NEMP2: variants seen among roughly 807,000 people sequenced by gnomAD.
The protein encoded by NEMP2 is nuclear envelope integral membrane protein 2.
Under a neutral mutation model 54.2 loss-of-function variants are expected in NEMP2, and 53 were observed. The ratio of observed to expected loss-of-function variants is 0.98; its 90% CI spans 0.78 to 1.23. The LOEUF (loss-of-function observed/expected upper bound fraction) is 1.23, where lower values mean the gene tolerates loss of function less well. Ranked by LOEUF, NEMP2 falls within the 50% of genes most tolerant of loss-of-function variation. NEMP2 has a pLI of 0.00. For synonymous variants in NEMP2, 197 were observed against 190.3 expected (o/e 1.04, Z -0.29); for missense variants, 455 against 511.3 (o/e 0.89, Z 1.06).
chr2:190,648,670 C>A, the NEMP2 span, among the ~76,000 whole-genome samples: 7 of 151,652 alleles, frequency 4.6e-5, no homozygotes, highest in Admixed American at 2.0e-4. Context: ...GAGAGCAGGC[C>A]GGAGGCGGCG....
At chr2:190,586,554 A>AT in the NEMP2 span, among the ~76,000 whole-genome samples, 2 of 152,144 alleles carry the variant, frequency 1.3e-5, no homozygotes, top group Non-Finnish European at 2.9e-5. The surrounding 1 kb of genome is among the most constrained non-coding windows in gnomAD (Gnocchi z 4.5). Flanking sequence ...AAATACATCA[A>AT]GTATTTCTAA....
the NEMP2 span, among the ~76,000 whole-genome samples, chr2:190,637,405 A>G: frequency 6.6e-6 from 1 of 152,226 alleles, no homozygotes; most frequent in African/African-American, 2.4e-5. This position sits in a 1 kb window ranked among gnomAD's most constrained non-coding sequence, Gnocchi z 4.5. Flanking sequence ...GCTACAAGAT[A>G]AAGTCCACAC....
chr2:190,439,062 C>T, the NEMP2 span, among the ~76,000 whole-genome samples: 1 of 152,034 alleles, frequency 6.6e-6, no homozygotes, highest in Non-Finnish European at 1.5e-5. This position sits in a 1 kb window ranked among gnomAD's most constrained non-coding sequence, Gnocchi z 5.8. Context: ...AGAGAGCCCA[C>T]ATAATATTAA....
the NEMP2 span, chr2:190,608,215 G>A: frequency 6.6e-6 from 1 of 152,072 alleles, no homozygotes; most frequent in South Asian, 2.1e-4. This position sits in a 1 kb window ranked among gnomAD's most constrained non-coding sequence, Gnocchi z 4.9. Flanking sequence ...GCTTGTGTTC[G>A]AGTAATCCTT....
the NEMP2 span, among the ~76,000 whole-genome samples, chr2:190,443,916 G>T: frequency 6.6e-6 from 1 of 152,254 alleles, no homozygotes; most frequent in South Asian, 2.1e-4. This position sits in a 1 kb window ranked among gnomAD's most constrained non-coding sequence, Gnocchi z 4.2. Flanking sequence ...GCTGGGCATG[G>T]TGTCACACGC....
upstream of NEMP2, among the ~76,000 whole-genome samples, chr2:190,539,622 A>G (rs541535170): frequency 1.6e-4 from 24 of 152,252 alleles, no homozygotes; most frequent in East Asian, 4.6e-3. The surrounding 1 kb of genome is among the most constrained non-coding windows in gnomAD (Gnocchi z 4.1). Context: ...TTACTTACAT[A>G]GATTTTTCAC....
chr2:190,445,982 G>A, the NEMP2 span, among the ~76,000 whole-genome samples: 1 of 152,034 alleles, frequency 6.6e-6, no homozygotes, highest in African/African-American at 2.4e-5. Context: ...ACTCTGGTAC[G>A]AGGGGAAAAA....
At chr2:190,428,504 C>T in the NEMP2 span, among the ~76,000 whole-genome samples, 1 of 151,980 alleles carries the variant, frequency 6.6e-6, no homozygotes, top group African/African-American at 2.4e-5. Context: ...TGCTTGGGAC[C>T]AGGAGTATTT....
At chr2:190,526,058 AATAAGGCACT>A (rs1690923895) in intron 1 of NEMP2, among the ~76,000 whole-genome samples, 1 of 152,154 alleles carries the variant, frequency 6.6e-6, no homozygotes, top group South Asian at 2.1e-4. Context: ...AGGCACTAAC[AATAAGGCACT>A]AACAATAAGG....
chr2:190,514,446 T>C lies in NEMP2; in HGVS notation c.953+7A>G, dbSNP rs963657645. 2 of 1,549,156 alleles carry C rather than the reference T, an allele frequency of 1.3e-6. No individual in the cohort carries two copies. Among genetic ancestry groups the C allele is most frequent in the African/African-American group, 2.7e-5 (2 of 73,010 alleles). ...CAAATTTGCTGGGGGAAAAAAATGA[T>C]ACATACCACCTCATATAACTGCATG... is the stretch of plus-strand genomic sequence containing the variant. On this transcript the variant is annotated splice_region_variant and intron_variant, in intron 7 of 8. Transcript: ENST00000409150. The surrounding 1 kb of genome is among the most constrained non-coding windows in gnomAD (Gnocchi z 5.7).
chr2:190,588,460 C>T, the NEMP2 span, among the ~76,000 whole-genome samples: 5 of 152,126 alleles, frequency 3.3e-5, no homozygotes, highest in Non-Finnish European at 5.9e-5. This position sits in a 1 kb window ranked among gnomAD's most constrained non-coding sequence, Gnocchi z 5.0. Context: ...ACATTCATCC[C>T]AGTATGGCGG....
chr2:190,528,467 G>A lies in NEMP2; in HGVS notation c.98-3089C>T, dbSNP rs147245483. ...CAAACAAAAGTGATTCCTACCTATC[G>A]TTGGAAAGGGAGTGCATTCCAGCAG... On this transcript the variant is annotated intron_variant, in intron 1 of 8. Transcript: ENST00000409150. This position sits in a 1 kb window ranked among gnomAD's most constrained non-coding sequence, Gnocchi z 4.3. 5.5e-4 allele frequency among the ~76,000 whole-genome samples: 84 copies of A among 152,250 alleles called. No homozygotes were observed. The highest frequency in any genetic ancestry group is 1.9e-3 in the African/African-American group (81 of 41,544).
At chr2:190,491,329 T>A in the NEMP2 span, among the ~76,000 whole-genome samples, 1 of 152,158 alleles carries the variant, frequency 6.6e-6, no homozygotes, top group African/African-American at 2.4e-5. This position sits in a 1 kb window ranked among gnomAD's most constrained non-coding sequence, Gnocchi z 4.2. Flanking sequence ...TGCATCATGC[T>A]TTTGCTCCAG....
At chr2:190,517,997 C>A (rs1690621934) in intron 4 of NEMP2, among the ~76,000 whole-genome samples, 1 of 152,184 alleles carries the variant, frequency 6.6e-6, no homozygotes, top group Non-Finnish European at 1.5e-5. Context: ...CCCAGCTCGT[C>A]AGAGTCCAGG....
At position 190,508,105 on chromosome 2, in the gene NEMP2, A is replaced by G. The variant is rs1024429483; in HGVS notation, c.*1084T>C. On this transcript the variant is annotated 3_prime_UTR_variant, in exon 9 of 9. Transcript: ENST00000409150. The surrounding 1 kb of genome is among the most constrained non-coding windows in gnomAD (Gnocchi z 4.3). Reference sequence around the variant, plus strand: ...TTATAAGAAATTGTTACAAACACCTATAGCTAAACAATTTTTTAAATGGAT... The same window carrying G: ...TTATAAGAAATTGTTACAAACACCTGTAGCTAAACAATTTTTTAAATGGAT... The G allele has an allele frequency of 2.0e-5, 3 of 152,232 alleles. No individual in the cohort carries two copies. Among genetic ancestry groups the G allele is most frequent in the African/African-American group, 7.2e-5 (3 of 41,458 alleles). 9.4% of individuals were successfully genotyped at this position (152,232 alleles called of 1,614,324 possible). A position where few individuals can be genotyped will look rare whatever the true frequency, so the allele number is the denominator to read the frequency against.
At chr2:190,644,046 G>C in the NEMP2 span, among the ~76,000 whole-genome samples, 4 of 152,282 alleles carry the variant, frequency 2.6e-5, 1 homozygote, top group Non-Finnish European at 5.9e-5. The surrounding 1 kb of genome is among the most constrained non-coding windows in gnomAD (Gnocchi z 4.4). Context: ...AATGCATAAT[G>C]AATCTCATTT....
chr2:190,558,886 G>A, the NEMP2 span, among the ~76,000 whole-genome samples: 2 of 152,238 alleles, frequency 1.3e-5, no homozygotes, highest in Non-Finnish European at 2.9e-5. The surrounding 1 kb of genome is among the most constrained non-coding windows in gnomAD (Gnocchi z 4.4). Flanking sequence ...ATTATGGATA[G>A]CATATATATA....
chr2:190,465,794 A>C, the NEMP2 span, among the ~76,000 whole-genome samples: 1 of 152,132 alleles, frequency 6.6e-6, no homozygotes, highest in Non-Finnish European at 1.5e-5. This position sits in a 1 kb window ranked among gnomAD's most constrained non-coding sequence, Gnocchi z 4.6. Context: ...GGAGTTCAAG[A>C]CCAGCCTGGC....
chr2:190,460,656 A>G, the NEMP2 span, among the ~76,000 whole-genome samples: 1 of 152,182 alleles, frequency 6.6e-6, no homozygotes, highest in South Asian at 2.1e-4. Context: ...CAACCAAGAT[A>G]AGTGTTGTGA....
Sources: gnomAD v4.1 joint callset for allele counts (sites outside exome capture counted in the v4.1 genomes callset) on GRCh38, gnomAD v4.1.1 for gene constraint, Gnocchi (gnomAD v3.1) non-coding constraint, MANE v1.5 for transcripts, NCBI Gene and HGNC (gene_info 2026-07-23, HGNC 2026-07-21) for gene names.